CCZ1B: variants seen among roughly 807,000 people sequenced by gnomAD.
CCZ1B encodes CCZ1B vacuolar protein trafficking and biogenesis associated.
Under a neutral mutation model 58.8 loss-of-function variants are expected in CCZ1B, and 25 were observed. The ratio of observed to expected loss-of-function variants is 0.43; its 90% CI spans 0.31 to 0.59. The LOEUF (loss-of-function observed/expected upper bound fraction) is 0.59, where lower values mean the gene tolerates loss of function less well. Ranked by LOEUF, CCZ1B falls within the 20% of genes least tolerant of loss-of-function variation. CCZ1B has a pLI of 0.12. For missense variants in CCZ1B, 180 were observed against 501.5 expected (o/e 0.36, Z 6.12); for synonymous variants, 66 against 173.2 (o/e 0.38, Z 4.86).
chr7:6,822,694 A>G (rs1185165940), intron 5 of CCZ1B, among the ~76,000 whole-genome samples: 1 of 141,712 alleles, frequency 7.1e-6, no homozygotes, highest in Non-Finnish European at 1.5e-5. Context: ...TGGAATCACC[A>G]AACTTTTTAT....
chr7:6,818,049 G>C (rs1201705563), intron 7 of CCZ1B, among the ~76,000 whole-genome samples: 1 of 149,176 alleles, frequency 6.7e-6, no homozygotes, highest in Non-Finnish European at 1.5e-5. Flanking sequence ...AATTTGTGTT[G>C]TCTTCCTAGG....
Position 6,812,084 on chromosome 7 carries a change from T to A in CCZ1B, c.843-21A>T, listed in dbSNP as rs750431077. The stretch of plus-strand genomic sequence containing the variant: ...GAAATCTTAAAAGCAAGAACAGACA[T>A]GACTTGATTCAACGAGGTGAAGGAG... On this transcript the variant is annotated intron_variant, in intron 9 of 14. Transcript: ENST00000316731. 153 of 1,020,476 alleles carry A rather than the reference T, an allele frequency of 1.5e-4. 2 individuals carry two copies. Among genetic ancestry groups the A allele is most frequent in the Non-Finnish European group, 2.2e-4 (146 of 649,342 alleles). 63.2% of individuals were successfully genotyped at this position (1,020,476 alleles called of 1,614,324 possible). A position where few individuals can be genotyped will look rare whatever the true frequency, so the allele number is the denominator to read the frequency against.
chr7:6,822,399 G>A, intron 5 of CCZ1B, 35 bp from the exon 6 acceptor site: 2 of 1,579,938 alleles, frequency 1.3e-6, no homozygotes, highest in Non-Finnish European at 1.7e-6. Flanking sequence ...AAAAAAATCA[G>A]TTTCCTATGC....
intron 9 of CCZ1B, 60 bp from the exon 10 acceptor site, chr7:6,812,123 G>T: frequency 1.0e-6 from 1 of 973,492 alleles, no homozygotes; most frequent in Non-Finnish European, 1.6e-6. Flanking sequence ...CAGGAATCTA[G>T]AAACAGAACA....
chr7:6,811,025 T>G lies in CCZ1B; in HGVS notation c.954+927A>C, dbSNP rs560498366. Among the ~76,000 whole-genome samples the G allele has an allele frequency of 1.4e-3, 219 of 151,586 alleles. 1 individual carries two copies. Among genetic ancestry groups the G allele is most frequent in the African/African-American group, 5.2e-3 (211 of 40,870 alleles). On this transcript the variant is annotated intron_variant, in intron 10 of 14. Transcript: ENST00000316731. ...AGCCACTCTGGGTCTCTTCAGACTG[T>G]TTCCTTTCTTTAAACAGACCCTCGA...
At chr7:6,819,273 G>A (rs1783071075) in intron 7 of CCZ1B, among the ~76,000 whole-genome samples, 1 of 139,654 alleles carries the variant, frequency 7.2e-6, no homozygotes. Flanking sequence ...GTCTCTCTCT[G>A]TTGCCAGGCT....
At chr7:6,821,589 T>A (rs1783111418) in intron 6 of CCZ1B, among the ~76,000 whole-genome samples, 1 of 151,652 alleles carries the variant, frequency 6.6e-6, no homozygotes, top group South Asian at 2.1e-4. Context: ...TGAGAATTGT[T>A]GCTTCAAGAT....
chr7:6,824,208 A>C (rs1306938225), intron 3 of CCZ1B, 42 bp from the exon 4 acceptor site: 3 of 1,493,870 alleles, frequency 2.0e-6, no homozygotes, highest in Non-Finnish European at 2.7e-6. Context: ...TGAATTCATT[A>C]GACCATGTTT....
At chr7:6,819,329 G>A (rs1263371635) in intron 7 of CCZ1B, among the ~76,000 whole-genome samples, 4 of 146,452 alleles carry the variant, frequency 2.7e-5, no homozygotes, top group Non-Finnish European at 6.0e-5. Context: ...TCCGCCTCCC[G>A]GGTTCAAGTG....
chr7:6,812,109 G>GA (rs1479386084), intron 9 of CCZ1B, 46 bp from the exon 10 acceptor site: 1 of 882,476 alleles, frequency 1.1e-6, no homozygotes, highest in African/African-American at 1.8e-5. Flanking sequence ...AGGTGAAGGA[G>GA]AATCAGGAAT....
intron 10 of CCZ1B, among the ~76,000 whole-genome samples, chr7:6,810,010 G>T (rs1369293520): frequency 6.6e-6 from 1 of 150,664 alleles, no homozygotes; most frequent in African/African-American, 2.5e-5. Flanking sequence ...CATGTTGAAC[G>T]TGTTTTTTTT....
chr7:6,811,546 C>G (rs1201600460), intron 10 of CCZ1B: 2 of 247,070 alleles, frequency 8.1e-6, no homozygotes, highest in Non-Finnish European at 1.6e-5. Flanking sequence ...CATGTCCTGA[C>G]AGAAACAAAA....
At chr7:6,812,116 G>T (rs1241179901) in intron 9 of CCZ1B, 53 bp from the exon 10 acceptor site, 1 of 954,100 alleles carries the variant, frequency 1.0e-6, no homozygotes. Context: ...GGAGAATCAG[G>T]AATCTAGAAA....
Position 6,826,186 on chromosome 7 carries a change from C to CGCT in CCZ1B, c.9_11dup (p.Ala6dup), listed in dbSNP as rs1461984981. On this transcript the variant is annotated inframe_insertion, in exon 1 of 15. Transcript: ENST00000316731. ...AGGGCCCGCTCCCGGCCCCGGCCGC[C>CGCT]GCTGCAGCCATCCCGCCCCGGCCCC... 1 of 522,392 alleles carries CGCT rather than the reference C, an allele frequency of 1.9e-6. No homozygotes were observed. Among genetic ancestry groups the CGCT allele is most frequent in the Non-Finnish European group, 3.4e-6 (1 of 297,594 alleles). 32.4% of individuals were successfully genotyped at this position (522,392 alleles called of 1,614,324 possible).
chr7:6,823,572 G>T (rs1488381273), intron 4 of CCZ1B, among the ~76,000 whole-genome samples: 1 of 135,738 alleles, frequency 7.4e-6, no homozygotes, highest in Non-Finnish European at 1.5e-5. Context: ...AGGCTGGAGC[G>T]CAGTGGTACA....
rs202139482 is a variant in CCZ1B, at chr7:6,801,934, GCTGT to G, written c.1107-415_1107-412del. Among the ~76,000 whole-genome samples the G allele has an allele frequency of 3.9e-3, 468 of 119,030 alleles. 3 individuals carry two copies. The highest frequency in any genetic ancestry group is 0.013 in the African/African-American group (436 of 32,396). The allele number at this position is 119,030 out of a possible 152,430, so 78.1% of individuals were successfully genotyped here. A position where few individuals can be genotyped will look rare whatever the true frequency, so the allele number is the denominator to read the frequency against. ...CCTCGCCATTGCCACATGTTCATGT[GCTGT>G]CTGTCTGCTTTCCCACCAAAATGAT... is the stretch of plus-strand genomic sequence containing the variant. On this transcript the variant is annotated intron_variant, in intron 12 of 14. Coordinates refer to ENST00000316731, the MANE Select transcript of CCZ1B (RefSeq NM_198097.5).
chr7:6,812,854 G>A, intron 9 of CCZ1B, 122 bp downstream of exon 9: 5 of 1,541,042 alleles, frequency 3.2e-6, no homozygotes, highest in Non-Finnish European at 4.4e-6. Flanking sequence ...TGAGCCCGGG[G>A]AGGCAGAGGT....
At position 6,799,096 on chromosome 7, in the gene CCZ1B, C is replaced by G. The variant is rs533; in HGVS notation, c.*128G>C. 20 of 698,094 alleles carry G rather than the reference C, an allele frequency of 2.9e-5. No homozygotes were observed. Among genetic ancestry groups the G allele is most frequent in the East Asian group, 1.4e-4 (3 of 21,984 alleles). 43.2% of individuals were successfully genotyped at this position (698,094 alleles called of 1,614,324 possible). A position where few individuals can be genotyped will look rare whatever the true frequency, so the allele number is the denominator to read the frequency against. ...TCAGATCAGCAGACCGAGTCGAAATCTGATTCTTCAAAGCAAGTATTGCTT... is the reference window on the plus strand; with the variant it reads ...TCAGATCAGCAGACCGAGTCGAAATGTGATTCTTCAAAGCAAGTATTGCTT... On this transcript the variant is annotated 3_prime_UTR_variant, in exon 15 of 15. Coordinates refer to ENST00000316731, the MANE Select transcript of CCZ1B (RefSeq NM_198097.5).
At chr7:6,816,409 A>G (rs1487797561) in intron 7 of CCZ1B, among the ~76,000 whole-genome samples, 2 of 148,566 alleles carry the variant, frequency 1.3e-5, no homozygotes, top group Non-Finnish European at 3.0e-5. Context: ...TGAACCTGGG[A>G]GGCGCAGGCT....
Sources: gnomAD v4.1 joint callset for allele counts (sites outside exome capture counted in the v4.1 genomes callset) on GRCh38, gnomAD v4.1.1 for gene constraint, MANE v1.5 for transcripts, NCBI Gene and HGNC (gene_info 2026-07-23, HGNC 2026-07-21) for gene names.